Variants in IL17RA observed in about 807,000 individuals in gnomAD.
IL17RA encodes the protein interleukin 17 receptor A.
IL17RA carries 34 observed loss-of-function variants against 50.4 expected under a neutral mutation model. The ratio of observed to expected loss-of-function variants is 0.67; its 90% CI spans 0.51 to 0.90. The LOEUF is 0.90. Among genes scored for constraint, IL17RA ranks in the 40% least tolerant of loss-of-function variants. IL17RA has a pLI of 0.00. For synonymous variants in IL17RA, 585 were observed against 510.4 expected (o/e 1.15, Z -1.97); for missense variants, 1,276 against 1,169.8 (o/e 1.09, Z -1.32).
rs753237068 is a variant in IL17RA, at chr22:17,101,981, T to C, written c.551-15T>C. On this transcript the variant is annotated splice_polypyrimidine_tract_variant and intron_variant, in intron 5 of 12. Coordinates refer to ENST00000319363, the MANE Select transcript of IL17RA (RefSeq NM_014339.7). ...GGCAGAGGCTTAATGAGTTTCCTTT[T>C]TTCTGGGTCGACAGACTGTGAGCAC... is the stretch of plus-strand genomic sequence containing the variant. 9.9e-6 allele frequency: 16 copies of C among 1,614,108 alleles called. No individual in the cohort carries two copies. The Admixed American group carries it at 2.3e-4, about 24-fold the overall frequency.
chr22:17,109,220 C>T lies in IL17RA; in HGVS notation c.2001C>T (p.Thr667=). 2.0e-6 allele frequency: 3 copies of T among 1,497,904 alleles called. No homozygotes were observed. Among genetic ancestry groups the T allele is most frequent in the Non-Finnish European group, 1.8e-6 (2 of 1,129,216 alleles). 92.8% of individuals were successfully genotyped at this position (1,497,904 alleles called of 1,614,324 possible). Residue 667 remains threonine (T), a synonymous_variant, in exon 13 of 13, where the codon ACC becomes ACT. Transcript: ENST00000319363. ...RGQPAPQPLH[T]LVLAAEEGAL... ...AGCCAGCGCCGCAGCCCCTCCACAC[C>T]CTGGTGCTCGCCGCAGAGGAGGGGG...
At chr22:17,099,085 CAG>C (rs1402263166) in intron 4 of IL17RA, among the ~76,000 whole-genome samples, 198 bp downstream of exon 4, 2 of 152,180 alleles carry the variant, frequency 1.3e-5, no homozygotes, top group African/African-American at 2.4e-5. Flanking sequence ...TAGTGAGGGA[CAG>C]AGCGTATTTT....
Position 17,109,299 on chromosome 22 carries a change from C to G in IL17RA, c.2080C>G (p.Leu694Val), listed in dbSNP as rs547985757. ...GPLADGAAVR[L>V]ALAGEGEACP... is the part of the protein sequence containing the mutation. ...CCTGGCTGACGGTGCCGCAGTCCGG[C>G]TGGCACTGGCGGGGGAGGGCGAGGC... The change falls in exon 13 of 13, where the codon CTG becomes GTG. Residue 694 changes from leucine to valine, a missense_variant. Leu to Val is a conservative substitution (Grantham distance 32). Coordinates refer to ENST00000319363, the MANE Select transcript of IL17RA (RefSeq NM_014339.7). 19 of 1,535,264 alleles carry G rather than the reference C, an allele frequency of 1.2e-5. No homozygotes were observed. The South Asian group carries it at 2.3e-4, about 18-fold the overall frequency.
At chr22:17,106,549 C>CCAGT (rs1163468529) in intron 11 of IL17RA, among the ~76,000 whole-genome samples, 1 of 152,152 alleles carries the variant, frequency 6.6e-6, no homozygotes, top group African/African-American at 2.4e-5. Context: ...TTAGTACATA[C>CCAGT]CAGTGTCTTC....
chr22:17,092,120 A>C (rs1331842742), intron 1 of IL17RA, among the ~76,000 whole-genome samples: 2 of 152,114 alleles, frequency 1.3e-5, no homozygotes, highest in Non-Finnish European at 2.9e-5. Context: ...CTGAAGTTGC[A>C]ATGGCCAGTG....
intron 7 of IL17RA, among the ~76,000 whole-genome samples, chr22:17,103,227 A>C (rs1601345033): frequency 6.6e-6 from 1 of 152,360 alleles, no homozygotes; most frequent in African/African-American, 2.4e-5. Flanking sequence ...ACTGGTGTCC[A>C]TGAACACAGA....
chr22:17,102,943 A>T (rs2061397092), intron 7 of IL17RA, among the ~76,000 whole-genome samples: 1 of 152,236 alleles, frequency 6.6e-6, no homozygotes. Flanking sequence ...GGAGTTCGAG[A>T]CCAGCCTGAC....
Position 17,102,122 on chromosome 22 carries a change from G to A in IL17RA, c.599-17G>A, listed in dbSNP as rs41444249. 2,682 of 1,614,104 alleles carry A rather than the reference G, an allele frequency of 1.7e-3. 43 individuals are homozygous for A. In the African/African-American group the frequency reaches 0.031, roughly 19 times the overall value. ...GTGCCCCTCCTCACTCCCAGCCTGC[G>A]TGTGTGACCTTGGCAGGCAGCCTGT... On this transcript the variant is annotated splice_polypyrimidine_tract_variant and intron_variant, in intron 6 of 12. Coordinates refer to ENST00000319363, the MANE Select transcript of IL17RA (RefSeq NM_014339.7).
rs776536704 is a variant in IL17RA, at chr22:17,108,443, G to A, written c.1224G>A (p.Thr408=). The A allele has an allele frequency of 9.3e-6, 15 of 1,613,948 alleles. No homozygotes were observed. The Admixed American group carries it at 2.2e-4, about 23-fold the overall frequency. Reference sequence around the variant, plus strand: ...AGTTCCTGCTCACCGCCTGCGGCACGGAAGTGGCCCTGGACCTGCTGGAAG... The same window carrying A: ...AGTTCCTGCTCACCGCCTGCGGCACAGAAGTGGCCCTGGACCTGCTGGAAG... ...FAQFLLTACG[T]EVALDLLEEQ... Residue 408 remains threonine (T), a synonymous_variant, in exon 13 of 13, where the codon ACG becomes ACA. Coordinates refer to ENST00000319363, the MANE Select transcript of IL17RA (RefSeq NM_014339.7).
chr22:17,086,420 C>T (rs1398338935), intron 1 of IL17RA, among the ~76,000 whole-genome samples: 3 of 151,742 alleles, frequency 2.0e-5, no homozygotes, highest in Non-Finnish European at 4.4e-5. Context: ...GAGAAATGTC[C>T]TGTGACTTCC....
At chr22:17,104,942 A>G in intron 9 of IL17RA, 132 bp downstream of exon 9, 2 of 834,662 alleles carry the variant, frequency 2.4e-6, no homozygotes, top group Non-Finnish European at 4.0e-6. Flanking sequence ...GGAGTCCTTC[A>G]GGCCTGAAGT....
chr22:17,110,290 G>T lies in IL17RA; in HGVS notation c.*470G>T. 1 of 210,508 alleles carries T rather than the reference G, an allele frequency of 4.8e-6. No individual in the cohort carries two copies. Among genetic ancestry groups the T allele is most frequent in the Non-Finnish European group, 9.7e-6 (1 of 102,596 alleles). The allele number at this position is 210,508 out of a possible 1,614,324, so 13.0% of individuals were successfully genotyped here. On this transcript the variant is annotated 3_prime_UTR_variant, in exon 13 of 13. Coordinates refer to ENST00000319363, the MANE Select transcript of IL17RA (RefSeq NM_014339.7). ...AGGCAGGTGGATCACTCTGAGGTCA[G>T]GAGTTTGAGCCAGCCTGGCCAACAT...
chr22:17,094,673 C>CTATATATATATATATGTG (rs1568917416), intron 1 of IL17RA, among the ~76,000 whole-genome samples: 688 of 47,804 alleles, frequency 0.014, 43 homozygotes, highest in Non-Finnish European at 0.021. Context: ...CTCTCTCTCT[C>CTATATATATATATATGTG]TCTCTCTCTC....
rs535543649 is a variant in IL17RA at position 17,096,731 on chromosome 22, G to T, written c.139-331G>T. Reference sequence around the variant, plus strand: ...TAAAAACACAAAAAAGTAGCCGGGCGTGGTGGCGGGCGCCTGTAGTCCCAG... The same window carrying T: ...TAAAAACACAAAAAAGTAGCCGGGCTTGGTGGCGGGCGCCTGTAGTCCCAG... On this transcript the variant is annotated intron_variant, in intron 1 of 12. Coordinates refer to ENST00000319363, the MANE Select transcript of IL17RA (RefSeq NM_014339.7). Among the ~76,000 whole-genome samples the T allele has an allele frequency of 2.0e-5, 3 of 152,206 alleles. 1 individual carries two copies. The highest frequency in any genetic ancestry group is 4.2e-4 in the South Asian group (2 of 4,816).
At chr22:17,106,005 C>A (rs770628812) in intron 11 of IL17RA, 51 bp downstream of exon 11, 1 of 1,369,836 alleles carries the variant, frequency 7.3e-7, no homozygotes, top group African/African-American at 1.4e-5. Context: ...ATACCAGCAC[C>A]ACCACTCACT....
intron 8 of IL17RA, 36 bp from the exon 9 acceptor site, chr22:17,104,690 G>A: frequency 6.2e-7 from 1 of 1,600,398 alleles, no homozygotes; most frequent in Non-Finnish European, 8.6e-7. Context: ...GCGCTCTACA[G>A]TTCTGGAGCC....
intron 1 of IL17RA, among the ~76,000 whole-genome samples, chr22:17,092,242 G>A (rs1046173542): frequency 2.0e-5 from 3 of 152,174 alleles, no homozygotes; most frequent in Non-Finnish European, 4.4e-5. Flanking sequence ...GGAGGGCATG[G>A]AAGCTTTGTA....
At chr22:17,105,508 CA>C (rs2123807134) in intron 9 of IL17RA, 82 bp from the exon 10 acceptor site, 1 of 1,387,712 alleles carries the variant, frequency 7.2e-7, no homozygotes, top group East Asian at 2.3e-5. Context: ...TTAAAGCCCT[CA>C]AGGGACGTCA....
intron 4 of IL17RA, 85 bp from the exon 5 acceptor site, chr22:17,100,270 T>C (rs1440049858): frequency 1.3e-6 from 2 of 1,525,506 alleles, no homozygotes; most frequent in East Asian, 2.3e-5. Context: ...TATTCGGGAG[T>C]GGGTGGGAAC....
Sources: gnomAD v4.1 joint callset for allele counts (sites outside exome capture counted in the v4.1 genomes callset) on GRCh38, gnomAD v4.1.1 for gene constraint, MANE v1.5 for transcripts, NCBI Gene and HGNC (gene_info 2026-07-23, HGNC 2026-07-21) for gene names.